TIA1: variants seen among roughly 807,000 people sequenced by gnomAD.
The protein encoded by TIA1 is cytotoxic granule associated RNA binding protein TIA1.
Under a neutral mutation model 65.9 loss-of-function variants are expected in TIA1, and 23 were observed. The ratio of observed to expected loss-of-function variants is 0.35; its 90% CI spans 0.25 to 0.49. The LOEUF (loss-of-function observed/expected upper bound fraction) is 0.49, where lower values mean the gene tolerates loss of function less well. TIA1 is among the 20% of genes least tolerant of loss of function. The pLI is 0.98. For synonymous variants in TIA1, 147 were observed against 149.4 expected (o/e 0.98, Z 0.12); for missense variants, 371 against 477.9 (o/e 0.78, Z 2.09).
At chr2:70,247,836 G>A (rs1695073305) in intron 1 of TIA1, among the ~76,000 whole-genome samples, 2 of 152,128 alleles carry the variant, frequency 1.3e-5, no homozygotes, top group South Asian at 2.1e-4. Flanking sequence ...AGGAAAGCCA[G>A]AGGTTAAAGA....
At position 70,239,817 on chromosome 2, in the gene TIA1, T is replaced by C. The variant is rs1054209026; in HGVS notation, c.27-3642A>G. On this transcript the variant is annotated intron_variant, in intron 1 of 12. Transcript: ENST00000433529. ...ACAGCAATTTACCAGTATTGGGAGT[T>C]ATTACTACACCAAGTCTTTATTCTG... Among the ~76,000 whole-genome samples the C allele has an allele frequency of 3.3e-5, 5 of 152,332 alleles. No homozygotes were observed. In the East Asian group the frequency reaches 9.6e-4, roughly 29 times the overall value.
intron 7 of TIA1, among the ~76,000 whole-genome samples, chr2:70,220,976 G>T (rs901745065): frequency 6.6e-6 from 1 of 150,914 alleles, no homozygotes; most frequent in Non-Finnish European, 1.5e-5. Flanking sequence ...GGCCAGACTG[G>T]GCAACAAAGT....
chr2:70,234,833 T>G (rs940600084), intron 2 of TIA1, among the ~76,000 whole-genome samples: 3 of 152,126 alleles, frequency 2.0e-5, no homozygotes, highest in African/African-American at 7.2e-5. Context: ...GTGCTGGGAT[T>G]ACAGGTGTGA....
chr2:70,227,726 G>A lies in TIA1; in HGVS notation c.398+9C>T, dbSNP rs369640446. On this transcript the variant is annotated intron_variant, in intron 6 of 12. Transcript: ENST00000433529. ...ATTAAAAGGATTTTATTTATCTTCT[G>A]TTACTTACGATATTCTTCCAAATGG... The A allele has an allele frequency of 3.2e-6, 5 of 1,552,084 alleles. No individual in the cohort carries two copies. In the African/African-American group the frequency reaches 4.1e-5, roughly 13 times the overall value.
intron 3 of TIA1, among the ~76,000 whole-genome samples, chr2:70,229,559 AT>A (rs1489444937): frequency 6.6e-6 from 1 of 152,074 alleles, no homozygotes; most frequent in African/African-American, 2.4e-5. Context: ...TACCCATATT[AT>A]TTTTTTTCCT....
chr2:70,228,910 T>C (rs1684896792), intron 5 of TIA1, 149 bp downstream of exon 5: 3 of 1,477,380 alleles, frequency 2.0e-6, no homozygotes, highest in South Asian at 1.4e-5. Context: ...TGGTCAACAC[T>C]GAGAAGGGAG....
At chr2:70,244,631 C>G (rs947929255) in intron 1 of TIA1, among the ~76,000 whole-genome samples, 1 of 149,030 alleles carries the variant, frequency 6.7e-6, no homozygotes, top group Non-Finnish European at 1.5e-5. Flanking sequence ...GTCAGGAGAT[C>G]GAGACCATCC....
At chr2:70,227,709 GATTTT>G in intron 6 of TIA1, 21 bp downstream of exon 6, 1 of 1,447,308 alleles carries the variant, frequency 6.9e-7, no homozygotes, top group Non-Finnish European at 9.5e-7. Flanking sequence ...TAATTAAAAG[GATTTT>G]ATTTATCTTC....
rs111491019 is a variant in TIA1 at position 70,234,811 on chromosome 2, C to T, written c.123+1268G>A. On this transcript the variant is annotated intron_variant, in intron 2 of 12. Coordinates refer to ENST00000433529, the MANE Select transcript of TIA1 (RefSeq NM_022173.4). ...TCCTGACCTCATGATCTGCCTGCCT[C>T]GGCCTCCCAAAGTGCTGGGATTACA... Among the ~76,000 whole-genome samples, 633 of 152,144 alleles carry T rather than the reference C, an allele frequency of 4.2e-3. 1 individual carries two copies. Among genetic ancestry groups the T allele is most frequent in the Middle Eastern group, 0.014 (4 of 294 alleles).
At chr2:70,228,413 A>T in intron 5 of TIA1, 2 of 1,288,578 alleles carry the variant, frequency 1.6e-6, no homozygotes, top group Non-Finnish European at 2.0e-6. Context: ...TTGGTTGCCC[A>T]GACATTACAC....
rs1192726457 is a variant in TIA1, at chr2:70,209,597, T to A, written c.*3122A>T. The A allele has an allele frequency of 2.5e-6, 1 of 398,374 alleles. No homozygotes were observed. The highest frequency in any genetic ancestry group is 2.1e-5 in the African/African-American group (1 of 48,736). The allele number at this position is 398,374 out of a possible 1,614,324, so 24.7% of individuals were successfully genotyped here. A position where few individuals can be genotyped will look rare whatever the true frequency, so the allele number is the denominator to read the frequency against. ...ATAAAGAAACGATTGGGGACTATCA[T>A]TTTTGTGATTTAACAACAGAGAAAA... On this transcript the variant is annotated 3_prime_UTR_variant, in exon 13 of 13. Transcript: ENST00000433529.
chr2:70,233,698 A>G (rs753710766), intron 2 of TIA1, among the ~76,000 whole-genome samples: 11 of 152,060 alleles, frequency 7.2e-5, no homozygotes, highest in Non-Finnish European at 1.3e-4. Flanking sequence ...CCTGGGAGGC[A>G]GAGTTTGCAG....
At chr2:70,217,161 ATTT>A (rs1678962570) in intron 7 of TIA1, 167 bp from the exon 8 acceptor site, 2 of 500,308 alleles carry the variant, frequency 4.0e-6, no homozygotes, top group South Asian at 1.5e-4. Flanking sequence ...TGCTTTTTAT[ATTT>A]TTAAATTTTA....
intron 1 of TIA1, 24 bp from the exon 2 acceptor site, chr2:70,236,199 TA>T: frequency 1.3e-6 from 2 of 1,483,960 alleles, no homozygotes; most frequent in Admixed American, 1.9e-5. Context: ...AGAAACAATT[TA>T]CCTTTTTTTT....
In TIA1 at chr2:70,235,967, A is replaced by G. The variant is rs1025010765; in HGVS notation, c.123+112T>C. ...ACTATATTTAGACTACAGTAAACTA[A>G]TAATTTATACTATATTTAGACCATG... On this transcript the variant is annotated intron_variant, in intron 2 of 12. Coordinates refer to ENST00000433529, the MANE Select transcript of TIA1 (RefSeq NM_022173.4). The G allele has an allele frequency of 2.0e-5, 11 of 563,834 alleles. No individual in the cohort carries two copies. In the South Asian group the frequency reaches 2.5e-4, roughly 13 times the overall value. The allele number at this position is 563,834 out of a possible 1,614,324, so 34.9% of individuals were successfully genotyped here.
chr2:70,243,770 T>G (rs1247914112), intron 1 of TIA1, among the ~76,000 whole-genome samples: 1 of 152,230 alleles, frequency 6.6e-6, no homozygotes, highest in Admixed American at 6.5e-5. Flanking sequence ...CATTCTCACA[T>G]GCCACATCTA....
upstream of TIA1, chr2:70,248,636 G>A (rs533344752): frequency 3.0e-6 from 2 of 674,772 alleles, no homozygotes; most frequent in Non-Finnish European, 5.0e-6. Context: ...GGCGAGCCGG[G>A]AGCCTAGGAG....
At position 70,215,477 on chromosome 2, in the gene TIA1, C is replaced by T. The variant is rs1363072827; in HGVS notation, c.782G>A (p.Ser261Asn). Reference protein sequence around the residue: ...YSFVRFNSHESAAHAIVSVNG... With the variant: ...YSFVRFNSHENAAHAIVSVNG... ...AACAGAAACAATTGCATGTGCTGCA[C>T]TTTCATGGGAATTGAACCTATTGAA... Residue 261 changes from serine (S) to asparagine (N), a missense_variant, in exon 11 of 13, where the codon AGT (serine) becomes AAT (asparagine). Ser to Asn is a conservative substitution (Grantham distance 46). Coordinates refer to ENST00000433529, the MANE Select transcript of TIA1 (RefSeq NM_022173.4). The T allele has an allele frequency of 1.2e-6, 2 of 1,613,344 alleles. No homozygotes were observed. Among genetic ancestry groups the T allele is most frequent in the East Asian group, 2.2e-5 (1 of 44,850 alleles).
rs111994578 is a variant in TIA1 at position 70,230,241 on chromosome 2, C to CAA, written c.222+513_222+514dup. Among the ~76,000 whole-genome samples the CAA allele has an allele frequency of 9.1e-3, 881 of 96,950 alleles. 11 individuals carry two copies. Among genetic ancestry groups the CAA allele is most frequent in the African/African-American group, 0.029 (842 of 29,058 alleles). 63.6% of individuals were successfully genotyped at this position (96,950 alleles called of 152,430 possible). On this transcript the variant is annotated intron_variant, in intron 3 of 12. Coordinates refer to ENST00000433529, the MANE Select transcript of TIA1 (RefSeq NM_022173.4). ...CTGGGCAACAGAGAAAGACCCAACT[C>CAA]AAAAAAAAAAAAAAAGAAAAGAAAA...
Sources: allele counts gnomAD v4.1 joint callset (sites outside exome capture counted in the v4.1 genomes callset), GRCh38; gene constraint gnomAD v4.1.1; transcripts MANE v1.5; gene names NCBI Gene and HGNC (gene_info 2026-07-23, HGNC 2026-07-21).